Variants in TAS2R1 observed in about 807,000 individuals in gnomAD.
TAS2R1 encodes taste 2 receptor member 1.
For synonymous variants in TAS2R1, 141 were observed against 134.2 expected, an observed-to-expected ratio of 1.05 and a Z score of -0.35; for missense variants, 370 against 353.4, an observed-to-expected ratio of 1.05 and a Z score of -0.38.
At chr5:9,729,324 C>G in the TAS2R1 span, among the ~76,000 whole-genome samples, 2 of 164 alleles carry the variant, frequency 0.012, no homozygotes, top group East Asian at 0.17. Context: ...AGGGTCTGTC[C>G]TGGGTCAGGC....
At chr5:9,751,598 C>T in the TAS2R1 span, among the ~76,000 whole-genome samples, 1 of 152,088 alleles carries the variant, frequency 6.6e-6, no homozygotes, top group Admixed American at 6.6e-5. Context: ...ATAAGGATTC[C>T]CACACTTGCT....
At chr5:9,647,656 C>G (rs1278863506) in intron 2 of TAS2R1, among the ~76,000 whole-genome samples, 2 of 152,076 alleles carry the variant, frequency 1.3e-5, no homozygotes, top group South Asian at 4.1e-4. Flanking sequence ...ATAAGGGAAA[C>G]TTTTAGTTAT....
At chr5:9,771,680 T>C in the TAS2R1 span, among the ~76,000 whole-genome samples, 1 of 152,054 alleles carries the variant, frequency 6.6e-6, no homozygotes, top group Non-Finnish European at 1.5e-5. Context: ...TTATGGCTCC[T>C]ATCTTGTTAT....
chr5:9,836,525 C>T, the TAS2R1 span, among the ~76,000 whole-genome samples: 1 of 152,070 alleles, frequency 6.6e-6, no homozygotes, highest in African/African-American at 2.4e-5. Flanking sequence ...ATTGTACCCA[C>T]ATATTGACAA....
the TAS2R1 span, among the ~76,000 whole-genome samples, chr5:9,829,288 C>T: frequency 6.6e-6 from 1 of 152,180 alleles, no homozygotes; most frequent in South Asian, 2.1e-4. Context: ...CTTAATCATA[C>T]ACAGACCTAA....
chr5:9,893,702 G>C, the TAS2R1 span, among the ~76,000 whole-genome samples: 5 of 152,240 alleles, frequency 3.3e-5, no homozygotes, highest in Admixed American at 1.3e-4. Context: ...GGACTTCTAT[G>C]CAAATACCTG....
At chr5:9,781,296 C>T in the TAS2R1 span, among the ~76,000 whole-genome samples, 1 of 152,184 alleles carries the variant, frequency 6.6e-6, no homozygotes, top group Admixed American at 6.5e-5. Context: ...TAGAATCATC[C>T]TTGGCTCCTC....
Position 9,628,946 on chromosome 5 carries a change from C to G in TAS2R1, c.*187G>C. ...ATGTAATCCATCAACATATGTTGTG[C>G]TTTCAAAATCAGTTTAACTGCTTGA... On this transcript the variant is annotated 3_prime_UTR_variant, in exon 1 of 1. Coordinates refer to ENST00000382492, the MANE Select transcript of TAS2R1 (RefSeq NM_019599.3). The G allele has an allele frequency of 1.9e-6, 1 of 513,990 alleles. No individual in the cohort carries two copies. The highest frequency in any genetic ancestry group is 3.3e-6 in the Non-Finnish European group (1 of 305,828). The allele number at this position is 513,990 out of a possible 1,614,324, so 31.8% of individuals were successfully genotyped here. A position where few individuals can be genotyped will look rare whatever the true frequency, so the allele number is the denominator to read the frequency against.
At chr5:9,826,150 T>C in the TAS2R1 span, among the ~76,000 whole-genome samples, 1 of 152,332 alleles carries the variant, frequency 6.6e-6, no homozygotes, top group African/African-American at 2.4e-5. Flanking sequence ...ATATTTTTAA[T>C]CTATCATTAT....
At chr5:9,791,329 G>T in the TAS2R1 span, among the ~76,000 whole-genome samples, 1 of 152,184 alleles carries the variant, frequency 6.6e-6, no homozygotes, top group East Asian at 1.9e-4. Flanking sequence ...TCAGCAGGAC[G>T]AGTGCAATGA....
At chr5:9,712,412 T>C (rs564906025), upstream of TAS2R1, 1 of 152,342 alleles carries the variant, frequency 6.6e-6, no homozygotes, top group East Asian at 1.9e-4. Flanking sequence ...AATTTTTAGA[T>C]GTGATTAACA....
chr5:9,835,981 C>T, the TAS2R1 span, among the ~76,000 whole-genome samples: 1 of 152,160 alleles, frequency 6.6e-6, no homozygotes, highest in Non-Finnish European at 1.5e-5. Context: ...TGCGTCCCCA[C>T]CCAAATCTTA....
chr5:9,698,782 C>T (rs923476192), intron 1 of TAS2R1, among the ~76,000 whole-genome samples: 1 of 152,056 alleles, frequency 6.6e-6, no homozygotes, highest in South Asian at 2.1e-4. Context: ...GTGGCTGAAC[C>T]GCAATGAGAT....
At chr5:9,659,229 C>A (rs1216264882) in intron 2 of TAS2R1, among the ~76,000 whole-genome samples, 1 of 152,104 alleles carries the variant, frequency 6.6e-6, no homozygotes, top group Non-Finnish European at 1.5e-5. Flanking sequence ...AGCACAGGGA[C>A]CCCATGAACT....
chr5:9,762,542 G>A, the TAS2R1 span, among the ~76,000 whole-genome samples: 3 of 152,166 alleles, frequency 2.0e-5, no homozygotes, highest in Non-Finnish European at 2.9e-5. Context: ...CAAGTATTGC[G>A]TGTCACAATA....
intron 1 of TAS2R1, among the ~76,000 whole-genome samples, chr5:9,700,597 G>C (rs752262958): frequency 6.6e-6 from 1 of 152,136 alleles, no homozygotes; most frequent in Non-Finnish European, 1.5e-5. Context: ...GATATAATGC[G>C]CTTGCTTGCT....
At chr5:9,809,448 T>C in the TAS2R1 span, among the ~76,000 whole-genome samples, 1 of 152,104 alleles carries the variant, frequency 6.6e-6, no homozygotes, top group Non-Finnish European at 1.5e-5. Flanking sequence ...CCCTCCATTA[T>C]GGGATTAGTG....
chr5:9,779,839 C>T, the TAS2R1 span, among the ~76,000 whole-genome samples: 11 of 152,094 alleles, frequency 7.2e-5, no homozygotes, highest in East Asian at 3.9e-4. Context: ...GCAAGGCTGT[C>T]GCAAATCTTC....
the TAS2R1 span, among the ~76,000 whole-genome samples, chr5:9,755,852 G>A: frequency 1.6e-3 from 251 of 152,296 alleles, 4 homozygotes; most frequent in East Asian, 0.029. Context: ...ACTGGTGGGA[G>A]TGTAGCAGTG....
Sources: gnomAD v4.1 joint callset for allele counts (sites outside exome capture counted in the v4.1 genomes callset) on GRCh38, gnomAD v4.1.1 for gene constraint, MANE v1.5 for transcripts, NCBI Gene and HGNC (gene_info 2026-07-23, HGNC 2026-07-21) for gene names.